Variants in SLC24A3 observed in about 807,000 individuals in gnomAD.
SLC24A3 encodes the protein solute carrier family 24 member 3.
In SLC24A3, 28 loss-of-function variants were observed where a neutral mutation model predicts 75.8. The ratio of observed to expected loss-of-function variants is 0.37; its 90% CI spans 0.27 to 0.51. The LOEUF is 0.51. Among genes scored for constraint, SLC24A3 ranks in the 20% least tolerant of loss-of-function variants. The probability of loss-of-function intolerance (pLI) is 0.94; values close to 1 mark genes in which losing one functional copy is unlikely to be tolerated. For missense variants in SLC24A3, 663 were observed against 847.8 expected, an observed-to-expected ratio of 0.78 and a Z score of 2.71; for synonymous variants, 372 against 334.1, an observed-to-expected ratio of 1.11 and a Z score of -1.24.
chr20:19,293,030 TG>T (rs1303303920), intron 2 of SLC24A3, among the ~76,000 whole-genome samples: 3 of 151,434 alleles, frequency 2.0e-5, no homozygotes, highest in Non-Finnish European at 4.4e-5. Flanking sequence ...CCCCCTGCCT[TG>T]GGGGCTAGGA....
At chr20:19,231,334 G>A (rs773133840) in intron 1 of SLC24A3, among the ~76,000 whole-genome samples, 1 of 152,182 alleles carries the variant, frequency 6.6e-6, no homozygotes, top group African/African-American at 2.4e-5. Flanking sequence ...ATGTTACGTG[G>A]CAAGGAGGAG....
intron 1 of SLC24A3, among the ~76,000 whole-genome samples, chr20:19,226,729 G>A (rs185816335): frequency 5.9e-5 from 9 of 152,124 alleles, no homozygotes; most frequent in Admixed American, 2.6e-4. Context: ...ATTTACATGC[G>A]AAGAAAAATA....
intron 2 of SLC24A3, among the ~76,000 whole-genome samples, chr20:19,334,171 T>A (rs1208422734): frequency 6.6e-6 from 1 of 152,178 alleles, no homozygotes; most frequent in Admixed American, 6.5e-5. Context: ...CCGTTTATCC[T>A]AATGACTTGT....
intron 15 of SLC24A3, among the ~76,000 whole-genome samples, chr20:19,713,899 G>A (rs575373810): frequency 2.4e-4 from 36 of 152,300 alleles, no homozygotes; most frequent in African/African-American, 8.4e-4. Flanking sequence ...ACCAAGAAGA[G>A]ATTCAAAACC....
intron 12 of SLC24A3, among the ~76,000 whole-genome samples, chr20:19,688,988 A>ACAT (rs1329864793): frequency 6.6e-6 from 1 of 152,200 alleles, no homozygotes; most frequent in Non-Finnish European, 1.5e-5. Flanking sequence ...ATACACATAT[A>ACAT]CATCTACACT....
intron 2 of SLC24A3, among the ~76,000 whole-genome samples, chr20:19,302,445 A>G (rs1046447321): frequency 1.8e-4 from 28 of 152,254 alleles, no homozygotes; most frequent in African/African-American, 6.8e-4. Context: ...AAAATATTAC[A>G]AACTCCAGTG....
intron 2 of SLC24A3, among the ~76,000 whole-genome samples, chr20:19,479,470 A>C (rs973730641): frequency 7.9e-5 from 12 of 152,158 alleles, no homozygotes; most frequent in Admixed American, 7.2e-4. Flanking sequence ...CTCTTTTCTC[A>C]TGCTGGCTTG....
intron 2 of SLC24A3, among the ~76,000 whole-genome samples, chr20:19,368,452 C>T (rs993969442): frequency 5.9e-5 from 9 of 152,220 alleles, no homozygotes; most frequent in African/African-American, 2.2e-4. Flanking sequence ...ATGCTGTCGG[C>T]CCTGCATCTC....
At chr20:19,574,353 C>T (rs961620185) in intron 3 of SLC24A3, among the ~76,000 whole-genome samples, 3 of 152,234 alleles carry the variant, frequency 2.0e-5, no homozygotes, top group African/African-American at 4.8e-5. Context: ...GTTACCTGTA[C>T]ATCAAAGGAC....
chr20:19,598,416 G>A (rs1315224929), intron 6 of SLC24A3, among the ~76,000 whole-genome samples: 2 of 152,192 alleles, frequency 1.3e-5, no homozygotes, highest in Non-Finnish European at 2.9e-5. Context: ...AAGTAAGATT[G>A]TGTTGCAGTT....
At chr20:19,488,241 A>G (rs1988156360) in intron 2 of SLC24A3, among the ~76,000 whole-genome samples, 2 of 152,238 alleles carry the variant, frequency 1.3e-5, no homozygotes, top group East Asian at 1.9e-4. Context: ...CAGAGGCCAG[A>G]GGGCAGGTGC....
At chr20:19,629,418 C>A (rs570786255) in intron 6 of SLC24A3, among the ~76,000 whole-genome samples, 1 of 152,020 alleles carries the variant, frequency 6.6e-6, no homozygotes, top group East Asian at 1.9e-4. Context: ...ATATAGGATA[C>A]GATCAAGTGG....
intron 15 of SLC24A3, among the ~76,000 whole-genome samples, chr20:19,714,818 T>C (rs140089519): frequency 2.0e-5 from 3 of 152,260 alleles, no homozygotes; most frequent in Admixed American, 6.5e-5. Context: ...TTCAAAAGCT[T>C]TGGTTTAACA....
chr20:19,290,050 C>A (rs965757312), intron 2 of SLC24A3, among the ~76,000 whole-genome samples: 1 of 152,152 alleles, frequency 6.6e-6, no homozygotes, highest in African/African-American at 2.4e-5. Flanking sequence ...GGACCACCAC[C>A]ACCAGCAGCA....
At chr20:19,485,017 A>G (rs1988109242) in intron 2 of SLC24A3, among the ~76,000 whole-genome samples, 1 of 152,158 alleles carries the variant, frequency 6.6e-6, no homozygotes, top group Non-Finnish European at 1.5e-5. Context: ...AAAGCTACAT[A>G]ATTAAATGTG....
intron 3 of SLC24A3, among the ~76,000 whole-genome samples, chr20:19,534,403 G>GTTTTT (rs1271458057): frequency 7.5e-4 from 16 of 21,292 alleles, no homozygotes; most frequent in African/African-American, 6.9e-4. Context: ...CTTTTCTGTT[G>GTTTTT]TTGTTTTTTT....
intron 15 of SLC24A3, among the ~76,000 whole-genome samples, chr20:19,702,652 G>T (rs1207674552): frequency 6.6e-6 from 1 of 151,908 alleles, no homozygotes; most frequent in African/African-American, 2.4e-5. Flanking sequence ...TTATGCTGGG[G>T]ATACAAACAT....
Position 19,361,723 on chromosome 20 carries a change from A to G in SLC24A3, c.271+80636A>G, listed in dbSNP as rs77410449. Among the ~76,000 whole-genome samples the G allele has an allele frequency of 7.8e-3, 1,182 of 152,368 alleles. 7 individuals are homozygous for G. Among genetic ancestry groups the G allele is most frequent in the Non-Finnish European group, 0.012 (804 of 68,042 alleles). On this transcript the variant is annotated intron_variant, in intron 2 of 16. Transcript: ENST00000328041. ...AGGGAAAAGTGTGTTGATGTTGGCA[A>G]TATATTTTGAAATGTATTTTTTAAA...
chr20:19,506,535 G>A (rs775366370), intron 2 of SLC24A3, among the ~76,000 whole-genome samples: 17 of 152,174 alleles, frequency 1.1e-4, no homozygotes, highest in Admixed American at 2.0e-4. Context: ...TTCCACTAAC[G>A]TCTATGTGAA....
Sources: allele counts gnomAD v4.1 joint callset (sites outside exome capture counted in the v4.1 genomes callset), GRCh38; gene constraint gnomAD v4.1.1; transcripts MANE v1.5; gene names NCBI Gene and HGNC (gene_info 2026-07-23, HGNC 2026-07-21).